MMD2: variants seen among roughly 807,000 people sequenced by gnomAD.
MMD2 encodes monocyte to macrophage differentiation associated 2.
MMD2 carries 30 observed loss-of-function variants against 33.5 expected under a neutral mutation model. The ratio of observed to expected loss-of-function variants is 0.90; its 90% confidence interval spans 0.67 to 1.22. The LOEUF (loss-of-function observed/expected upper bound fraction) is 1.22, where lower values mean the gene tolerates loss of function less well. Among genes scored for constraint, MMD2 ranks in the 50% most tolerant of loss-of-function variants. MMD2 has a pLI of 0.00. For synonymous variants in MMD2, 129 were observed against 123.0 expected (o/e 1.05, Z -0.32); for missense variants, 364 against 325.4 (o/e 1.12, Z -0.91).
chr7:4,911,335 C>A (rs780170699), intron 4 of MMD2, 89 bp from the exon 5 acceptor site: 47 of 1,056,006 alleles, frequency 4.5e-5, no homozygotes, highest in Non-Finnish European at 6.4e-5. Flanking sequence ...GGAAATGGAC[C>A]CCAGGGAAGT....
chr7:4,950,198 A>T (rs2115158877), intron 1 of MMD2, among the ~76,000 whole-genome samples: 1 of 152,094 alleles, frequency 6.6e-6, no homozygotes, highest in East Asian at 1.9e-4. Flanking sequence ...TCCTGGGTTC[A>T]AGCGATTCTC....
intron 1 of MMD2, 118 bp downstream of exon 1, chr7:4,958,853 C>T: frequency 1.1e-6 from 1 of 888,766 alleles, no homozygotes; most frequent in Non-Finnish European, 1.5e-6. Flanking sequence ...GGTCAGGGGT[C>T]CGCCGATCCC....
chr7:4,899,923 T>C, the MMD2 span, among the ~76,000 whole-genome samples: 3 of 152,014 alleles, frequency 2.0e-5, no homozygotes, highest in South Asian at 6.2e-4. Flanking sequence ...CAAAAATCCA[T>C]TGAAAGTCCA....
intron 4 of MMD2, among the ~76,000 whole-genome samples, chr7:4,913,661 T>G (rs571224943): frequency 1.4e-5 from 2 of 139,134 alleles, no homozygotes; most frequent in South Asian, 4.4e-4. Flanking sequence ...GGGTTTGCAC[T>G]GAGCCAAGAT....
intron 1 of MMD2, among the ~76,000 whole-genome samples, chr7:4,947,978 G>A (rs1300875622): frequency 2.0e-5 from 3 of 151,982 alleles, no homozygotes; most frequent in African/African-American, 4.8e-5. Flanking sequence ...GATTACAGGC[G>A]TGAGCCACCG....
At chr7:4,909,606 AT>A (rs926345032) in intron 6 of MMD2, 79,247 of 472,594 alleles carry the variant, frequency 0.17, no homozygotes, top group South Asian at 0.22. Context: ...CATCTGGCTA[AT>A]TTTTTTTTTT....
At chr7:4,925,894 A>G (rs1785412056) in intron 1 of MMD2, among the ~76,000 whole-genome samples, 1 of 152,056 alleles carries the variant, frequency 6.6e-6, no homozygotes. Context: ...GCTCACTGCA[A>G]CCTCTGCCTC....
chr7:4,896,852 A>G, the MMD2 span, among the ~76,000 whole-genome samples: 26,554 of 150,836 alleles, frequency 0.18, 3,280 homozygotes, highest in East Asian at 0.55. Context: ...ATTTTTCTCT[A>G]TTCTTTTCTT....
At chr7:4,897,270 C>T in the MMD2 span, among the ~76,000 whole-genome samples, 1 of 140,574 alleles carries the variant, frequency 7.1e-6, no homozygotes, top group Non-Finnish European at 1.5e-5. Context: ...CAGAGTGAGA[C>T]ATCTTGATTT....
rs767407644 is a variant in MMD2 at position 4,906,456 on chromosome 7, A to T, written c.*940T>A. On this transcript the variant is annotated 3_prime_UTR_variant, in exon 7 of 7. Transcript: ENST00000401401. ...TCCAAATGTTGGCATCACAAACCTT[A>T]AGTATGGAGCAGGGAGCAAGTGCCT... 2 of 398,526 alleles carry T rather than the reference A, an allele frequency of 5.0e-6. No individual in the cohort carries two copies. The highest frequency in any genetic ancestry group is 8.8e-6 in the Non-Finnish European group (2 of 226,098). The allele number at this position is 398,526 out of a possible 1,614,324, so 24.7% of individuals were successfully genotyped here.
At chr7:4,938,002 CTTTTTTTTTTTTTTTT>C (rs1165504272) in intron 1 of MMD2, among the ~76,000 whole-genome samples, 1 of 45,646 alleles carries the variant, frequency 2.2e-5, no homozygotes, top group Non-Finnish European at 3.5e-5. Context: ...TTCTTTCTTT[CTTTTTTTTTTTTTTTT>C]TTTTTTTTTT....
chr7:4,895,950 C>T, the MMD2 span, among the ~76,000 whole-genome samples: 1 of 152,096 alleles, frequency 6.6e-6, no homozygotes, highest in African/African-American at 2.4e-5. Flanking sequence ...TCCCGGGAAT[C>T]ATGACAAAGA....
intron 2 of MMD2, among the ~76,000 whole-genome samples, chr7:4,921,473 TAGTC>T (rs2115105339): frequency 6.6e-6 from 1 of 151,392 alleles, no homozygotes. Flanking sequence ...TACAAAAAAT[TAGTC>T]AGGCATGGTG....
At chr7:4,952,816 C>T (rs1166251332) in intron 1 of MMD2, among the ~76,000 whole-genome samples, 4 of 151,476 alleles carry the variant, frequency 2.6e-5, no homozygotes, top group African/African-American at 9.7e-5. Flanking sequence ...CTCAGCCTCC[C>T]GAGTAGCTGG....
At chr7:4,905,790 C>G (rs1784856267), downstream of MMD2, among the ~76,000 whole-genome samples, 1 of 152,182 alleles carries the variant, frequency 6.6e-6, no homozygotes, top group South Asian at 2.1e-4. The surrounding 1 kb of genome is among the most constrained non-coding windows in gnomAD (Gnocchi z 5.0). Flanking sequence ...CTGACCCCAG[C>G]TGGTGGGAAA....
intron 1 of MMD2, among the ~76,000 whole-genome samples, chr7:4,937,321 C>T (rs971314556): frequency 4.6e-4 from 70 of 151,112 alleles, no homozygotes; most frequent in Non-Finnish European, 9.7e-4. Context: ...CACTTGAATC[C>T]GGGAGGTGGA....
At chr7:4,907,951 C>T (rs1268267004) in intron 6 of MMD2, among the ~76,000 whole-genome samples, 1 of 151,390 alleles carries the variant, frequency 6.6e-6, no homozygotes, top group African/African-American at 2.4e-5. Flanking sequence ...ACAGATATCC[C>T]ATGGCACAAC....
intron 1 of MMD2, among the ~76,000 whole-genome samples, chr7:4,952,602 C>CT (rs907373365): frequency 6.6e-6 from 1 of 151,972 alleles, no homozygotes; most frequent in Non-Finnish European, 1.5e-5. Context: ...AGAAGGCATC[C>CT]TTTTTTTGTT....
At chr7:4,909,060 C>CA (rs1263096901) in intron 6 of MMD2, among the ~76,000 whole-genome samples, 6 of 150,460 alleles carry the variant, frequency 4.0e-5, no homozygotes, top group South Asian at 2.1e-4. Context: ...GCATGGCAAA[C>CA]AAAAAAAAGT....
Sources: allele counts gnomAD v4.1 joint callset (sites outside exome capture counted in the v4.1 genomes callset), GRCh38; gene constraint gnomAD v4.1.1; non-coding constraint Gnocchi (gnomAD v3.1); transcripts MANE v1.5; gene names NCBI Gene and HGNC (gene_info 2026-07-23, HGNC 2026-07-21).